The following CBL variants were observed in gnomAD, a reference collection of about 807,000 sequenced individuals.
CBL encodes E3 ubiquitin-protein ligase CBL.
CBL carries 45 observed loss-of-function variants against 96.9 expected under a neutral mutation model. That is an observed-to-expected ratio of 0.46 (90% CI 0.37 to 0.60). The LOEUF (loss-of-function observed/expected upper bound fraction) is 0.60, where lower values mean the gene tolerates loss of function less well. CBL is among the 20% of genes least tolerant of loss of function. CBL has a pLI of 0.00. For missense variants in CBL, 1,024 were observed against 1,143.5 expected (o/e 0.90, Z 1.51); for synonymous variants, 420 against 426.8 (o/e 0.98, Z 0.20).
intron 12 of CBL, among the ~76,000 whole-genome samples, chr11:119,288,918 T>C (rs971901970): frequency 5.3e-5 from 8 of 152,256 alleles, no homozygotes; most frequent in African/African-American, 1.7e-4. Flanking sequence ...TCCACCCATT[T>C]TGATATGTCA....
intron 2 of CBL, among the ~76,000 whole-genome samples, chr11:119,268,256 G>GAATTTT (rs559191597): frequency 2.6e-4 from 39 of 152,268 alleles, no homozygotes; most frequent in Middle Eastern, 3.4e-3. Context: ...ACCAAGGCTG[G>GAATTTT]AATTTTAATT....
At chr11:119,210,937 A>G (rs1949312181) in intron 1 of CBL, among the ~76,000 whole-genome samples, 1 of 152,160 alleles carries the variant, frequency 6.6e-6, no homozygotes, top group Non-Finnish European at 1.5e-5. Flanking sequence ...TACATATACT[A>G]TGTTTTTCCT....
At chr11:119,288,476 CAGAGAG>C (rs61294763) in intron 12 of CBL, among the ~76,000 whole-genome samples, 41,736 of 150,708 alleles carry the variant, frequency 0.28, 6,195 homozygotes, top group South Asian at 0.57. Context: ...TTTGCACAGA[CAGAGAG>C]AGAGAGAGAG....
intron 1 of CBL, among the ~76,000 whole-genome samples, chr11:119,223,464 C>G (rs1482175377): frequency 6.6e-6 from 1 of 151,432 alleles, no homozygotes; most frequent in Non-Finnish European, 1.5e-5. Context: ...GAGTCTCGCT[C>G]TGTCACCCAC....
intron 2 of CBL, among the ~76,000 whole-genome samples, chr11:119,261,310 T>C (rs917373310): frequency 1.4e-4 from 21 of 152,214 alleles, no homozygotes; most frequent in African/African-American, 5.1e-4. Context: ...CCATGTTCTT[T>C]CTCAAGTTTT....
At chr11:119,283,105 G>A (rs2135308333) in intron 9 of CBL, among the ~76,000 whole-genome samples, 2 of 152,290 alleles carry the variant, frequency 1.3e-5, no homozygotes, top group Middle Eastern at 3.4e-3. Context: ...CCATAAATAA[G>A]TAAGGTCTGG....
intron 11 of CBL, among the ~76,000 whole-genome samples, chr11:119,287,098 A>G (rs1000011748): frequency 1.2e-4 from 18 of 152,330 alleles, no homozygotes; most frequent in African/African-American, 4.3e-4. Context: ...AAGAATAACA[A>G]AGGGGTTTAA....
chr11:119,216,661 C>T (rs752682625), intron 1 of CBL, among the ~76,000 whole-genome samples: 2 of 152,112 alleles, frequency 1.3e-5, no homozygotes, highest in Non-Finnish European at 1.5e-5. Context: ...TGAGCCACTG[C>T]GACCAGCCTC....
intron 9 of CBL, among the ~76,000 whole-genome samples, chr11:119,282,451 C>T (rs997163581): frequency 2.0e-5 from 3 of 151,934 alleles, no homozygotes; most frequent in African/African-American, 2.4e-5. Context: ...GATTGATGAT[C>T]GGCAGAGAGG....
At chr11:119,236,729 A>C (rs1949549913) in intron 2 of CBL, among the ~76,000 whole-genome samples, 1 of 151,634 alleles carries the variant, frequency 6.6e-6, no homozygotes. Flanking sequence ...TTCCCCTAGC[A>C]ATGTATGTGG....
At chr11:119,229,731 G>GTT (rs11297311) in intron 1 of CBL, among the ~76,000 whole-genome samples, 1 of 147,476 alleles carries the variant, frequency 6.8e-6, no homozygotes. Flanking sequence ...GTTGTGTTTT[G>GTT]TTTTTTTTTT....
At chr11:119,222,683 A>G (rs191219646) in intron 1 of CBL, among the ~76,000 whole-genome samples, 24 of 150,860 alleles carry the variant, frequency 1.6e-4, no homozygotes, top group Non-Finnish European at 3.1e-4. Flanking sequence ...TTTTTGGTTC[A>G]TGTTTGTTTT....
At chr11:119,291,276 C>T (rs1950025269) in intron 12 of CBL, among the ~76,000 whole-genome samples, 1 of 152,124 alleles carries the variant, frequency 6.6e-6, no homozygotes, top group Non-Finnish European at 1.5e-5. Flanking sequence ...CCTATAGTCC[C>T]AGCTACTGGG....
In CBL at chr11:119,278,638, C is replaced by T. The variant is rs150443504; in HGVS notation, c.1356C>T (p.Ser452=). Residue 452 remains serine (S), a synonymous_variant, in exon 9 of 16, where the codon TCC becomes TCT. Transcript: ENST00000264033. ...GGCAAGGAGCAGAGGGAGCTCCCTCCCCAAATTATGATGATGATGATGATG... is the reference window on the plus strand; with the variant it reads ...GGCAAGGAGCAGAGGGAGCTCCCTCTCCAAATTATGATGATGATGATGATG... ...LLRQGAEGAP[S]PNYDDDDDER... The T allele has an allele frequency of 6.2e-5, 100 of 1,613,806 alleles. No homozygotes were observed. Among genetic ancestry groups the T allele is most frequent in the Non-Finnish European group, 7.8e-5 (92 of 1,179,958 alleles).
chr11:119,253,854 A>G (rs1433543697), intron 2 of CBL, among the ~76,000 whole-genome samples: 3 of 151,370 alleles, frequency 2.0e-5, no homozygotes, highest in Non-Finnish European at 4.4e-5. Flanking sequence ...AAACAAAAAC[A>G]AAAACAAAAA....
intron 1 of CBL, among the ~76,000 whole-genome samples, chr11:119,227,368 T>C (rs1175535121): frequency 6.6e-6 from 1 of 152,164 alleles, no homozygotes; most frequent in African/African-American, 2.4e-5. Flanking sequence ...TGTAACTCCA[T>C]TGTAAATTGA....
At position 119,299,629 on chromosome 11, in the gene CBL, C is replaced by T. The variant is rs201631570; in HGVS notation, c.2569C>T (p.Leu857Phe). The change falls in exon 16 of 16, where the codon CTC becomes TTC. Residue 857 changes from leucine (L) to phenylalanine (F), a missense_variant. Leu to Phe is a conservative substitution (Grantham distance 22). Coordinates refer to ENST00000264033, the MANE Select transcript of CBL (RefSeq NM_005188.4). ...CTCTGCTGCCACCGCCTCACCTCAGCTCTCCAGTGAGATCGAGAACCTCAT... is the reference window on the plus strand; with the variant it reads ...CTCTGCTGCCACCGCCTCACCTCAGTTCTCCAGTGAGATCGAGAACCTCAT... ...AASAATASPQLSSEIENLMSQ... is the reference protein window; with the variant it reads ...AASAATASPQFSSEIENLMSQ... 3.4e-5 allele frequency: 55 copies of T among 1,614,242 alleles called. No individual in the cohort carries two copies. In the East Asian group the frequency reaches 1.1e-3, roughly 33 times the overall value.
At position 119,264,447 on chromosome 11, in the gene CBL, C is replaced by CTTCTCTTCTCTTCT. The variant is rs1565868419; in HGVS notation, c.444-7287_444-7274dup. 9.3e-3 allele frequency among the ~76,000 whole-genome samples: 1,163 copies of CTTCTCTTCTCTTCT among 125,536 alleles called. 17 individuals are homozygous for CTTCTCTTCTCTTCT. The highest frequency in any genetic ancestry group is 0.035 in the African/African-American group (1,077 of 30,412). The allele number at this position is 125,536 out of a possible 152,430, so 82.4% of individuals were successfully genotyped here. A position where few individuals can be genotyped will look rare whatever the true frequency, so the allele number is the denominator to read the frequency against. On this transcript the variant is annotated intron_variant, in intron 2 of 15. Coordinates refer to ENST00000264033, the MANE Select transcript of CBL (RefSeq NM_005188.4). ...TCTTCTCTTCTCTTCTCTTCTTTCT[C>CTTCTCTTCTCTTCT]TTCTCTTCTCTTCTCTTTTCTTCTT...
chr11:119,250,558 GAAAACTCTCCAGGCAGT>G (rs1411458997), intron 2 of CBL, among the ~76,000 whole-genome samples: 2 of 152,154 alleles, frequency 1.3e-5, no homozygotes, highest in Non-Finnish European at 1.5e-5. Context: ...GCTGAGACAT[GAAAACTCTCCAGGCAGT>G]AAGTTAGATC....
Sources: gnomAD v4.1 joint callset for allele counts (sites outside exome capture counted in the v4.1 genomes callset) on GRCh38, gnomAD v4.1.1 for gene constraint, MANE v1.5 for transcripts, NCBI Gene and HGNC (gene_info 2026-07-23, HGNC 2026-07-21) for gene names.